ADAMTSL1: variants seen among roughly 807,000 people sequenced by gnomAD.
The protein encoded by ADAMTSL1 is ADAMTS like 1.
Under a neutral mutation model 201.8 loss-of-function variants are expected in ADAMTSL1, and 126 were observed. The ratio of observed to expected loss-of-function variants is 0.62; its 90% CI spans 0.54 to 0.72. The LOEUF is 0.72. Ranked by LOEUF, ADAMTSL1 falls within the 30% of genes least tolerant of loss-of-function variation. ADAMTSL1 has a pLI of 0.00. For synonymous variants in ADAMTSL1, 1,121 were observed against 903.4 expected (o/e 1.24, Z -4.32); for missense variants, 2,679 against 2,277.8 (o/e 1.18, Z -3.59).
At chr9:18,048,821 C>T (rs896456261) in intron 1 of ADAMTSL1, among the ~76,000 whole-genome samples, 1 of 152,148 alleles carries the variant, frequency 6.6e-6, no homozygotes, top group Admixed American at 6.5e-5. Context: ...CAGTCCATCC[C>T]ATATGTCTAT....
At chr9:17,917,938 G>T (rs1045943377) in intron 1 of ADAMTSL1, among the ~76,000 whole-genome samples, 4 of 151,886 alleles carry the variant, frequency 2.6e-5, no homozygotes, top group African/African-American at 9.7e-5. Context: ...CTAACTTGTT[G>T]AATTCATTGG....
At chr9:18,753,225 A>T in intron 15 of ADAMTSL1, 73 bp from the exon 16 acceptor site, 1 of 1,459,882 alleles carries the variant, frequency 6.8e-7, no homozygotes, top group Non-Finnish European at 9.4e-7. Flanking sequence ...TTTTAACTCC[A>T]TTTGAGTTCA....
At position 18,283,097 on chromosome 9, in the gene ADAMTSL1, A is replaced by C. The variant is rs539659026; in HGVS notation, c.207+119116A>C. ...TGTGTCTATTTTCTTTTCAATCTTA[A>C]TTTTTGCTTCATTTGTTTGGTTGCT... On this transcript the variant is annotated intron_variant, in intron 2 of 29. Coordinates refer to the ADAMTSL1 transcript ENST00000680146. Among the ~76,000 whole-genome samples, 13 of 152,198 alleles carry C rather than the reference A, an allele frequency of 8.5e-5. No homozygotes were observed. In the South Asian group the frequency reaches 1.2e-3, roughly 15 times the overall value.
chr9:18,132,056 T>A (rs1441206992), intron 1 of ADAMTSL1, among the ~76,000 whole-genome samples: 1 of 152,146 alleles, frequency 6.6e-6, no homozygotes, highest in East Asian at 1.9e-4. Flanking sequence ...TTCATTTCTA[T>A]CTACTAAGGA....
intron 2 of ADAMTSL1, among the ~76,000 whole-genome samples, chr9:18,464,119 T>TTAAC (rs1456238969): frequency 6.6e-6 from 1 of 152,242 alleles, no homozygotes; most frequent in African/African-American, 2.4e-5. Context: ...TGTGGAATCA[T>TTAAC]TAACTCTCTT....
At chr9:18,897,070 G>T (rs780264313) in intron 26 of ADAMTSL1, among the ~76,000 whole-genome samples, 1 of 152,186 alleles carries the variant, frequency 6.6e-6, no homozygotes, top group Non-Finnish European at 1.5e-5. Context: ...GTGAGTCCTG[G>T]CAGCCCAGGT....
intron 4 of ADAMTSL1, among the ~76,000 whole-genome samples, chr9:18,598,292 A>G (rs1824400515): frequency 6.6e-6 from 1 of 152,158 alleles, no homozygotes; most frequent in Non-Finnish European, 1.5e-5. Flanking sequence ...GATGTGACTT[A>G]CCCGAAGTCT....
chr9:18,005,727 G>A (rs1819789497), intron 1 of ADAMTSL1, among the ~76,000 whole-genome samples: 1 of 152,026 alleles, frequency 6.6e-6, no homozygotes, highest in Admixed American at 6.6e-5. Flanking sequence ...GTAGTGATAG[G>A]AATGTGCTAG....
intron 13 of ADAMTSL1, among the ~76,000 whole-genome samples, chr9:18,700,650 G>A (rs930418209): frequency 6.6e-6 from 1 of 152,118 alleles, no homozygotes; most frequent in Non-Finnish European, 1.5e-5. Context: ...GTTAAAAAAT[G>A]ATGAGGCAAT....
intron 2 of ADAMTSL1, among the ~76,000 whole-genome samples, chr9:18,378,600 C>G (rs1234030997): frequency 6.6e-6 from 1 of 152,132 alleles, no homozygotes; most frequent in East Asian, 1.9e-4. Flanking sequence ...ATTTCTCACA[C>G]CTCACCCTCT....
At chr9:18,467,143 C>T (rs970232538) in intron 2 of ADAMTSL1, among the ~76,000 whole-genome samples, 4 of 152,118 alleles carry the variant, frequency 2.6e-5, no homozygotes, top group Non-Finnish European at 4.4e-5. Context: ...TTTGCTTTCA[C>T]AGAATTTACA....
intron 2 of ADAMTSL1, among the ~76,000 whole-genome samples, chr9:18,221,235 A>G (rs1830247731): frequency 6.6e-6 from 1 of 152,118 alleles, no homozygotes; most frequent in African/African-American, 2.4e-5. Context: ...AATTGGACAC[A>G]TTATTGCTGT....
chr9:18,410,944 C>T (rs750677317), intron 2 of ADAMTSL1, among the ~76,000 whole-genome samples: 6 of 150,732 alleles, frequency 4.0e-5, no homozygotes, highest in South Asian at 2.1e-4. Flanking sequence ...CAGGTTCAAG[C>T]GATTCTCCTG....
At chr9:18,592,093 A>T (rs910496411) in intron 4 of ADAMTSL1, among the ~76,000 whole-genome samples, 1 of 152,192 alleles carries the variant, frequency 6.6e-6, no homozygotes, top group African/African-American at 2.4e-5. Context: ...TTTGCTAAGC[A>T]TACTTCTTTG....
chr9:18,857,608 A>C (rs1826944034), intron 23 of ADAMTSL1, among the ~76,000 whole-genome samples: 1 of 152,176 alleles, frequency 6.6e-6, no homozygotes, highest in South Asian at 2.1e-4. Context: ...TGCTAATGCC[A>C]GTCTCTTGAT....
chr9:18,768,915 A>G (rs1295581123), intron 16 of ADAMTSL1, among the ~76,000 whole-genome samples: 1 of 152,236 alleles, frequency 6.6e-6, no homozygotes, highest in African/African-American at 2.4e-5. Context: ...CTGGAGACAC[A>G]ATAGAATTAT....
At chr9:18,054,410 G>C (rs1016165113) in intron 1 of ADAMTSL1, among the ~76,000 whole-genome samples, 30 of 152,074 alleles carry the variant, frequency 2.0e-4, no homozygotes, top group African/African-American at 7.2e-4. Flanking sequence ...GCTTCTAATA[G>C]CCCAAAATTT....
chr9:18,327,764 T>C (rs973105253), intron 2 of ADAMTSL1, among the ~76,000 whole-genome samples: 1 of 152,158 alleles, frequency 6.6e-6, no homozygotes. Context: ...GCTTAAAGAG[T>C]TATACACTGA....
At chr9:18,546,492 A>G (rs1820474848) in intron 3 of ADAMTSL1, among the ~76,000 whole-genome samples, 1 of 152,076 alleles carries the variant, frequency 6.6e-6, no homozygotes, top group South Asian at 2.1e-4. Flanking sequence ...ATAGCTCTTT[A>G]ACACCCGTAT....
Sources: gnomAD v4.1 joint callset for allele counts (sites outside exome capture counted in the v4.1 genomes callset) on GRCh38, gnomAD v4.1.1 for gene constraint, MANE v1.5 for transcripts, NCBI Gene and HGNC (gene_info 2026-07-23, HGNC 2026-07-21) for gene names.